SLC45A3: variants seen among roughly 807,000 people sequenced by gnomAD.
SLC45A3 encodes prostate cancer associated protein 2.
In SLC45A3, 17 loss-of-function variants were observed where a neutral mutation model predicts 35.3. That is an observed-to-expected ratio of 0.48 (90% CI 0.33 to 0.72). The LOEUF is 0.72. Among genes scored for constraint, SLC45A3 ranks in the 30% least tolerant of loss-of-function variants. SLC45A3 has a pLI of 0.02. For synonymous variants in SLC45A3, 288 were observed against 334.3 expected, an observed-to-expected ratio of 0.86 and a Z score of 1.51; for missense variants, 597 against 731.7, an observed-to-expected ratio of 0.82 and a Z score of 2.12.
chr1:205,664,774 C>T lies in SLC45A3; in HGVS notation c.-118G>A. ...TTGCTGCCGCCAACTGCCTAGGAAT[C>T]AGCCAGGCGCCCATTTCTGCCAGCC... On this transcript the variant is annotated 5_prime_UTR_variant, in exon 2 of 5. Coordinates refer to ENST00000367145, the MANE Select transcript of SLC45A3 (RefSeq NM_033102.3). This position sits in a 1 kb window ranked among gnomAD's most constrained non-coding sequence, Gnocchi z 5.3. 6.8e-7 allele frequency: 1 copy of T among 1,461,170 alleles called. No homozygotes were observed. 90.5% of individuals were successfully genotyped at this position (1,461,170 alleles called of 1,614,324 possible).
In SLC45A3 at chr1:205,664,599, G is replaced by A. The variant is rs775318030; in HGVS notation, c.58C>T (p.Leu20=). 9 of 1,614,164 alleles carry A rather than the reference G, an allele frequency of 5.6e-6. No homozygotes were observed. The highest frequency in any genetic ancestry group is 2.2e-5 in the East Asian group (1 of 44,902). The change falls in exon 2 of 5, where the codon CTG becomes TTG. Residue 20 remains leucine, a synonymous_variant. Coordinates refer to ENST00000367145, the MANE Select transcript of SLC45A3 (RefSeq NM_033102.3). This position sits in a 1 kb window ranked among gnomAD's most constrained non-coding sequence, Gnocchi z 5.3. ...AGGCCAAAGGTTAGCAGGTTGACCAGCAAGAGCTGGGCTTTCCGGTGCCGC... is the reference window on the plus strand; with the variant it reads ...AGGCCAAAGGTTAGCAGGTTGACCAACAAGAGCTGGGCTTTCCGGTGCCGC... The part of the protein sequence containing the change: ...LLRHRKAQLL[L]VNLLTFGLEV...
At chr1:205,665,006 C>A (rs1428345002) in intron 1 of SLC45A3, 120 bp from the exon 2 acceptor site, 1 of 964,908 alleles carries the variant, frequency 1.0e-6, no homozygotes, top group Non-Finnish European at 1.3e-6. Flanking sequence ...GGCCCTGTCA[C>A]CGAGGTGCCA....
chr1:205,660,674 T>A (rs1689260329), intron 4 of SLC45A3, among the ~76,000 whole-genome samples: 1 of 151,992 alleles, frequency 6.6e-6, no homozygotes, highest in South Asian at 2.1e-4. Context: ...GAGGTTGGAG[T>A]CTGGAGTGGT....
rs9782875 is a variant in SLC45A3, at chr1:205,673,192, G to C, written c.-231+7202C>G. Among the ~76,000 whole-genome samples the C allele has an allele frequency of 1.7e-4, 26 of 152,268 alleles. 1 individual carries two copies. Among genetic ancestry groups the C allele is most frequent in the African/African-American group, 6.0e-4 (25 of 41,538 alleles). ...TCTTCCCTAGTCCTTCCCAGAGTTG[G>C]ACTCTGTTCCTGGCAGAAATTAGTA... is the stretch of plus-strand genomic sequence containing the variant. On this transcript the variant is annotated intron_variant, in intron 1 of 4. Transcript: ENST00000367145.
intron 1 of SLC45A3, among the ~76,000 whole-genome samples, chr1:205,679,927 C>T (rs1306452660): frequency 3.3e-5 from 5 of 152,070 alleles, no homozygotes; most frequent in Admixed American, 2.0e-4. Flanking sequence ...CATCCTGCCC[C>T]TTTCCGGTGA....
Position 205,662,384 on chromosome 1 carries a change from T to G in SLC45A3, c.959-258A>C. 1 of 1,383,950 alleles carries G rather than the reference T, an allele frequency of 7.2e-7. No individual in the cohort carries two copies. The highest frequency in any genetic ancestry group is 1.7e-5 in the South Asian group (1 of 57,364). 85.7% of individuals were successfully genotyped at this position (1,383,950 alleles called of 1,614,324 possible). On this transcript the variant is annotated intron_variant, in intron 3 of 4. Transcript: ENST00000367145. The surrounding 1 kb of genome is among the most constrained non-coding windows in gnomAD (Gnocchi z 6.2). Reference sequence around the variant, plus strand: ...GAAGGTTTCCTGGGAGTCTCAGCTGTGAGGACAGGCGGGTGAGAGGGAACA... The same window carrying G: ...GAAGGTTTCCTGGGAGTCTCAGCTGGGAGGACAGGCGGGTGAGAGGGAACA...
Position 205,662,954 on chromosome 1 carries a change from C to T in SLC45A3, c.837G>A (p.Leu279=), listed in dbSNP as rs771761009. 3.1e-5 allele frequency: 50 copies of T among 1,613,550 alleles called. No individual in the cohort carries two copies. The highest frequency in any genetic ancestry group is 4.2e-5 in the Non-Finnish European group (49 of 1,180,008). Residue 279 remains leucine, a synonymous_variant, in exon 3 of 5, where the codon CTG becomes CTA. Coordinates refer to ENST00000367145, the MANE Select transcript of SLC45A3 (RefSeq NM_033102.3). This position sits in a 1 kb window ranked among gnomAD's most constrained non-coding sequence, Gnocchi z 6.2. ...AGGTCATGAGTGCCATCCAGCTGCA[C>T]AGCTCAGCCACGAAGAGCCGGCGCA... ...RTLRRLFVAE[L]CSWMALMTFT... is the part of the protein sequence containing the mutation.
intron 1 of SLC45A3, among the ~76,000 whole-genome samples, chr1:205,677,713 C>T (rs1275415424): frequency 2.0e-5 from 3 of 152,148 alleles, no homozygotes; most frequent in Admixed American, 6.5e-5. Flanking sequence ...GAGTCCCAGG[C>T]TAGGCACTGC....
In SLC45A3 at chr1:205,658,615, C is replaced by T. The variant is rs965277760; in HGVS notation, c.*619G>A. On this transcript the variant is annotated 3_prime_UTR_variant, in exon 5 of 5. Transcript: ENST00000367145. ...GTCTCTGTGATGGCAACAGAAGGAC[C>T]AACAGGCCACATCCTGATAAAAGGT... is the stretch of plus-strand genomic sequence containing the variant. The T allele has an allele frequency of 4.3e-6, 1 of 233,240 alleles. No homozygotes were observed. The highest frequency in any genetic ancestry group is 2.2e-5 in the African/African-American group (1 of 45,302). The allele number at this position is 233,240 out of a possible 1,614,324, so 14.4% of individuals were successfully genotyped here.
chr1:205,663,122 C>T lies in SLC45A3; in HGVS notation c.669G>A (p.Leu223=). 1 of 1,584,138 alleles carries T rather than the reference C, an allele frequency of 6.3e-7. No individual in the cohort carries two copies. Among genetic ancestry groups the T allele is most frequent in the Non-Finnish European group, 8.5e-7 (1 of 1,173,148 alleles). Residue 223 remains leucine (L), a synonymous_variant, in exon 3 of 5, where the codon CTG becomes CTA. Coordinates refer to ENST00000367145, the MANE Select transcript of SLC45A3 (RefSeq NM_033102.3). Reference sequence around the variant, plus strand: ...GCCCTTCTGCTGGCTCGGTGGGGCCCAGCGCTGCCTCCTCAGCCACCAGCA... The same window carrying T: ...GCCCTTCTGCTGGCTCGGTGGGGCCTAGCGCTGCCTCCTCAGCCACCAGCA... ...ATLLVAEEAA[L]GPTEPAEGLS... is the part of the protein sequence containing the mutation.
At chr1:205,677,347 T>C (rs1671330628) in intron 1 of SLC45A3, among the ~76,000 whole-genome samples, 1 of 152,210 alleles carries the variant, frequency 6.6e-6, no homozygotes, top group Admixed American at 6.6e-5. Flanking sequence ...ATTCCCTTGC[T>C]AAGAAACTCT....
rs541618230 is a variant in SLC45A3 at position 205,667,322 on chromosome 1, C to T, written c.-230-2436G>A. On this transcript the variant is annotated intron_variant, in intron 1 of 4. Coordinates refer to ENST00000367145, the MANE Select transcript of SLC45A3 (RefSeq NM_033102.3). ...GGAGGTTCGAGACCAGCCCGGCCAA[C>T]GTGGTGAAACCCCATCTCTACTAAA... 1.1e-4 allele frequency among the ~76,000 whole-genome samples: 17 copies of T among 152,296 alleles called. No homozygotes were observed. The South Asian group carries it at 3.3e-3, about 30-fold the overall frequency.
chr1:205,671,815 G>A (rs924594595), intron 1 of SLC45A3, among the ~76,000 whole-genome samples: 1 of 152,048 alleles, frequency 6.6e-6, no homozygotes, highest in Admixed American at 6.5e-5. Context: ...GCAGTGAACC[G>A]AGATCATGCC....
chr1:205,670,208 G>A (rs766750898), intron 1 of SLC45A3, among the ~76,000 whole-genome samples: 2 of 152,196 alleles, frequency 1.3e-5, no homozygotes, highest in Non-Finnish European at 2.9e-5. Flanking sequence ...GAGACAATGC[G>A]CTCCCCATCA....
chr1:205,676,897 G>T (rs1671322281), intron 1 of SLC45A3, among the ~76,000 whole-genome samples: 1 of 152,140 alleles, frequency 6.6e-6, no homozygotes, highest in South Asian at 2.1e-4. Flanking sequence ...GTACCAGCTG[G>T]TCCAGTCTCC....
Position 205,659,192 on chromosome 1 carries a change from C to T in SLC45A3, c.*42G>A. On this transcript the variant is annotated 3_prime_UTR_variant, in exon 5 of 5. Transcript: ENST00000367145. This position sits in a 1 kb window ranked among gnomAD's most constrained non-coding sequence, Gnocchi z 5.8. ...GGCTAACAGGAGCGGGGAGCTGGGA[C>T]CCAGTGAGGCAGGCCCTCCACCCCA... is the stretch of plus-strand genomic sequence containing the variant. 6.4e-7 allele frequency: 1 copy of T among 1,557,522 alleles called. No homozygotes were observed. Among genetic ancestry groups the T allele is most frequent in the Non-Finnish European group, 8.7e-7 (1 of 1,148,154 alleles).
Position 205,662,133 on chromosome 1 carries a change from AGGGAGAG to A in SLC45A3, c.959-14_959-8del. 1.2e-6 allele frequency: 2 copies of A among 1,609,990 alleles called. No homozygotes were observed. The highest frequency in any genetic ancestry group is 1.7e-6 in the Non-Finnish European group (2 of 1,177,436). Reference sequence around the variant, plus strand: ...AGGCTGCCCATCCGAACGCCTGCAGAGGGAGAGGGGCCATCAGACAGAGCCTGGGAGG... The same window carrying A: ...AGGCTGCCCATCCGAACGCCTGCAGAGGGCCATCAGACAGAGCCTGGGAGG... On this transcript the variant is annotated splice_polypyrimidine_tract_variant and splice_region_variant and intron_variant, in intron 3 of 4. Coordinates refer to ENST00000367145, the MANE Select transcript of SLC45A3 (RefSeq NM_033102.3). The surrounding 1 kb of genome is among the most constrained non-coding windows in gnomAD (Gnocchi z 6.2).
In SLC45A3 at chr1:205,665,007, C is replaced by T. The variant is rs1162111269; in HGVS notation, c.-230-121G>A. Reference sequence around the variant, plus strand: ...ACAGGCTGGCGACTGGCCCTGTCACCGAGGTGCCACCCCCTTCTGCCCAGT... The same window carrying T: ...ACAGGCTGGCGACTGGCCCTGTCACTGAGGTGCCACCCCCTTCTGCCCAGT... On this transcript the variant is annotated intron_variant, in intron 1 of 4. Coordinates refer to ENST00000367145, the MANE Select transcript of SLC45A3 (RefSeq NM_033102.3). 1.6e-5 allele frequency: 15 copies of T among 930,366 alleles called. No individual in the cohort carries two copies. In the East Asian group the frequency reaches 5.1e-4, roughly 32 times the overall value. 57.6% of individuals were successfully genotyped at this position (930,366 alleles called of 1,614,324 possible). A position where few individuals can be genotyped will look rare whatever the true frequency, so the allele number is the denominator to read the frequency against.
intron 1 of SLC45A3, among the ~76,000 whole-genome samples, chr1:205,679,847 C>T (rs1007877349): frequency 2.0e-5 from 3 of 152,050 alleles, no homozygotes; most frequent in Non-Finnish European, 2.9e-5. Context: ...CCTGAGCACC[C>T]CGCGGCGCCG....
Sources: allele counts gnomAD v4.1 joint callset (sites outside exome capture counted in the v4.1 genomes callset), GRCh38; gene constraint gnomAD v4.1.1; non-coding constraint Gnocchi (gnomAD v3.1); transcripts MANE v1.5; gene names NCBI Gene and HGNC (gene_info 2026-07-23, HGNC 2026-07-21).